Variants in AHRR observed in about 807,000 individuals in gnomAD.
AHRR encodes the protein ahR repressor.
AHRR carries 28 observed loss-of-function variants against 44.0 expected under a neutral mutation model. That is an observed-to-expected ratio of 0.64 (90% confidence interval 0.47 to 0.87). The LOEUF (loss-of-function observed/expected upper bound fraction) is 0.87. Among genes scored for constraint, AHRR ranks in the 40% least tolerant of loss-of-function variants. The pLI is 0.00. For synonymous variants in AHRR, 434 were observed against 407.0 expected (o/e 1.07, Z -0.80); for missense variants, 990 against 953.9 (o/e 1.04, Z -0.50).
intron 4 of AHRR, among the ~76,000 whole-genome samples, chr5:400,240 G>A (rs1244199026): frequency 3.3e-5 from 5 of 152,170 alleles, no homozygotes; most frequent in South Asian, 2.1e-4. Flanking sequence ...AGTACTTGCC[G>A]GCTATTTTTT....
chr5:326,103 G>C lies in AHRR; in HGVS notation c.-11+4284G>C, dbSNP rs1235721899. On this transcript the variant is annotated intron_variant, in intron 1 of 10. Transcript: ENST00000684583. The surrounding 1 kb of genome is among the most constrained non-coding windows in gnomAD (Gnocchi z 4.1). ...CGGCCTCTTTGTATTTTCTCGTTGA[G>C]GCAAAATGCACATAACATCAAACTA... 6.6e-6 allele frequency among the ~76,000 whole-genome samples: 1 copy of C among 152,178 alleles called. No individual in the cohort carries two copies. The highest frequency in any genetic ancestry group is 2.4e-5 in the African/African-American group (1 of 41,444).
rs57594473 is a variant in AHRR, at chr5:411,013, G to GT, written c.352-2321dup. Among the ~76,000 whole-genome samples, 1,597 of 144,618 alleles carry GT rather than the reference G, an allele frequency of 0.011. 23 individuals are homozygous for GT. Among genetic ancestry groups the GT allele is most frequent in the African/African-American group, 0.036 (1,477 of 40,530 alleles). The allele number at this position is 144,618 out of a possible 152,430, so 94.9% of individuals were successfully genotyped here. On this transcript the variant is annotated intron_variant, in intron 4 of 10. Coordinates refer to ENST00000684583, the MANE Select transcript of AHRR (RefSeq NM_001377236.1). This position sits in a 1 kb window ranked among gnomAD's most constrained non-coding sequence, Gnocchi z 4.2. ...TTTAAACTCCTGGTGTCAGTGATTT[G>GT]TTTTTTTTTTCTTGATGAGTCTTGC...
At chr5:351,676 G>A (rs1049021528) in intron 2 of AHRR, among the ~76,000 whole-genome samples, 5 of 152,196 alleles carry the variant, frequency 3.3e-5, no homozygotes, top group Admixed American at 1.3e-4. Flanking sequence ...ACGGCTTAGC[G>A]ACGGCCCTAA....
Position 422,711 on chromosome 5 carries a change from C to T in AHRR, c.442-18C>T. The T allele has an allele frequency of 1.2e-6, 2 of 1,614,134 alleles. No individual in the cohort carries two copies. The highest frequency in any genetic ancestry group is 2.2e-5 in the East Asian group (1 of 44,886). ...CCACTTGGGGTAAGGCTGAAATAAT[C>T]TTGTTGCGCTATTTCAGACGGATGT... On this transcript the variant is annotated intron_variant, in intron 5 of 10. Coordinates refer to ENST00000684583, the MANE Select transcript of AHRR (RefSeq NM_001377236.1).
chr5:390,441 T>A (rs1734362938), intron 4 of AHRR, among the ~76,000 whole-genome samples: 1 of 152,220 alleles, frequency 6.6e-6, no homozygotes, highest in Non-Finnish European at 1.5e-5. Flanking sequence ...AATCAGTCGC[T>A]GCAGAAAGAA....
At chr5:335,095 A>G (rs2126338608) in intron 1 of AHRR, among the ~76,000 whole-genome samples, 1 of 151,992 alleles carries the variant, frequency 6.6e-6, no homozygotes, top group East Asian at 1.9e-4. Flanking sequence ...CTGTGGGTTA[A>G]CCATGTCTAT....
At chr5:364,942 G>C (rs1001394221) in intron 3 of AHRR, among the ~76,000 whole-genome samples, 3 of 152,022 alleles carry the variant, frequency 2.0e-5, no homozygotes, top group African/African-American at 7.2e-5. Flanking sequence ...TCATCAAGCA[G>C]ATAATATAAT....
chr5:361,136 C>T (rs937146053), intron 3 of AHRR, among the ~76,000 whole-genome samples: 2 of 152,186 alleles, frequency 1.3e-5, no homozygotes, highest in East Asian at 3.9e-4. Flanking sequence ...GTAATCACAG[C>T]TACTTGGGAG....
intron 8 of AHRR, among the ~76,000 whole-genome samples, chr5:429,120 G>A (rs1040536569): frequency 4.6e-5 from 7 of 152,224 alleles, no homozygotes; most frequent in Non-Finnish European, 8.8e-5. Context: ...TCTGCCTTGC[G>A]TGCTGGGAGA....
At chr5:426,712 T>C (rs1476780031) in intron 7 of AHRR, among the ~76,000 whole-genome samples, 2 of 147,336 alleles carry the variant, frequency 1.4e-5, no homozygotes, top group Non-Finnish European at 3.0e-5. Context: ...GATGGATGGC[T>C]AGATGGACAG....
intron 8 of AHRR, among the ~76,000 whole-genome samples, chr5:428,736 G>A (rs553344029): frequency 3.9e-5 from 6 of 152,354 alleles, no homozygotes; most frequent in African/African-American, 1.4e-4. Flanking sequence ...TGGTAGCTCT[G>A]AGCTTGTTTT....
chr5:374,301 C>T (rs527238862), intron 3 of AHRR, among the ~76,000 whole-genome samples: 2 of 152,352 alleles, frequency 1.3e-5, no homozygotes, highest in Admixed American at 6.5e-5. Flanking sequence ...GCTGCTGGGA[C>T]ACCCGGGGCG....
intron 4 of AHRR, among the ~76,000 whole-genome samples, chr5:380,266 A>C (rs922811304): frequency 6.6e-6 from 1 of 152,222 alleles, no homozygotes; most frequent in Non-Finnish European, 1.5e-5. Context: ...AAATAATGTG[A>C]ATCTTTCAAT....
intron 2 of AHRR, 106 bp downstream of exon 2, chr5:344,070 G>C (rs1048882452): frequency 1.9e-5 from 24 of 1,256,474 alleles, no homozygotes; most frequent in South Asian, 2.7e-5. Flanking sequence ...AGCGAGGAAG[G>C]CTTCGGGAGC....
rs567399555 is a variant in AHRR, at chr5:432,999, G to A, written c.1112+52G>A. ...AGCCCTGGCAGCTCCCTAAGTCACC[G>A]TGGAGGCCAAAGAGCGGGTGGGGGA... On this transcript the variant is annotated intron_variant, in intron 10 of 10. Coordinates refer to ENST00000684583, the MANE Select transcript of AHRR (RefSeq NM_001377236.1). The A allele has an allele frequency of 2.8e-5, 43 of 1,519,480 alleles. No homozygotes were observed. The South Asian group carries it at 3.0e-4, about 11-fold the overall frequency. The allele number at this position is 1,519,480 out of a possible 1,614,324, so 94.1% of individuals were successfully genotyped here.
rs538312493 is a variant in AHRR, at chr5:348,550, C to T, written c.62+4586C>T. ...CTCTAGCTCTGCCCCAGGCAACCTC[C>T]GATCTGTTTCCTGTCACTGCAGATG... On this transcript the variant is annotated intron_variant, in intron 2 of 10. Transcript: ENST00000684583. Among the ~76,000 whole-genome samples, 4 of 152,310 alleles carry T rather than the reference C, an allele frequency of 2.6e-5. No homozygotes were observed. The South Asian group carries it at 8.3e-4, about 32-fold the overall frequency.
intron 3 of AHRR, among the ~76,000 whole-genome samples, chr5:364,699 C>T (rs979503679): frequency 6.6e-6 from 1 of 151,868 alleles, no homozygotes; most frequent in African/African-American, 2.4e-5. Flanking sequence ...ATAAACATAA[C>T]AACTAAAAGA....
chr5:396,374 T>C (rs1734706624), intron 4 of AHRR, among the ~76,000 whole-genome samples: 1 of 152,064 alleles, frequency 6.6e-6, no homozygotes, highest in Admixed American at 6.5e-5. Context: ...CCGCATACCA[T>C]GGCTGGGGTC....
Position 403,869 on chromosome 5 carries a change from T to A in AHRR, c.352-9475T>A. On this transcript the variant is annotated intron_variant, in intron 4 of 10. Transcript: ENST00000684583. ...GACAAAGAACCCACATTAAAGCTTT[T>A]CCTCCTTGAACAGCTTGTGGCCTAG... is the stretch of plus-strand genomic sequence containing the variant. 3.8e-6 allele frequency: 6 copies of A among 1,589,434 alleles called. No homozygotes were observed. In the South Asian group the frequency reaches 5.5e-5, roughly 15 times the overall value.
Sources: gnomAD v4.1 joint callset for allele counts (sites outside exome capture counted in the v4.1 genomes callset) on GRCh38, gnomAD v4.1.1 for gene constraint, Gnocchi (gnomAD v3.1) non-coding constraint, MANE v1.5 for transcripts, NCBI Gene and HGNC (gene_info 2026-07-23, HGNC 2026-07-21) for gene names.